UCK2: variants seen among roughly 807,000 people sequenced by gnomAD.
The protein encoded by UCK2 is uridine-cytidine kinase 2, also known as cytidine monophosphokinase 2.
In UCK2, 6 loss-of-function variants were observed where a neutral mutation model predicts 30.8. The ratio of observed to expected loss-of-function variants is 0.19; its 90% CI spans 0.11 to 0.38. The LOEUF (loss-of-function observed/expected upper bound fraction) is 0.38, where lower values mean the gene tolerates loss of function less well. Ranked by LOEUF, UCK2 falls within the 10% of genes least tolerant of loss-of-function variation. UCK2 has a pLI of 1.00. For synonymous variants in UCK2, 125 were observed against 133.6 expected (o/e 0.94, Z 0.45); for missense variants, 210 against 339.8 (o/e 0.62, Z 3.00).
At chr1:165,837,093 G>A (rs774113690) in intron 1 of UCK2, among the ~76,000 whole-genome samples, 1 of 152,124 alleles carries the variant, frequency 6.6e-6, no homozygotes, top group Non-Finnish European at 1.5e-5. Flanking sequence ...AGTTCATGAT[G>A]GTGGTGCCTC....
At chr1:165,851,738 C>G (rs1207322361) in intron 1 of UCK2, among the ~76,000 whole-genome samples, 2 of 151,986 alleles carry the variant, frequency 1.3e-5, no homozygotes, top group Non-Finnish European at 2.9e-5. Flanking sequence ...CCTCTAAGTT[C>G]CCTCCCCTCA....
intron 1 of UCK2, among the ~76,000 whole-genome samples, chr1:165,841,022 A>G (rs1431120827): frequency 1.3e-5 from 2 of 151,970 alleles, no homozygotes; most frequent in African/African-American, 2.4e-5. Context: ...GAGGCAAGGT[A>G]GTGTTTGACC....
chr1:165,879,404 G>A (rs1254307177), intron 1 of UCK2, among the ~76,000 whole-genome samples: 1 of 152,098 alleles, frequency 6.6e-6, no homozygotes, highest in Non-Finnish European at 1.5e-5. Flanking sequence ...TTCCTCCACT[G>A]AATTGCATTT....
intron 1 of UCK2, among the ~76,000 whole-genome samples, chr1:165,850,955 A>G (rs1401548244): frequency 1.8e-5 from 1 of 54,826 alleles, no homozygotes; most frequent in African/African-American, 5.1e-5. Context: ...TTTTTTTTTT[A>G]ATAGAGAATG....
At chr1:165,857,254 G>C (rs1029092820) in intron 1 of UCK2, among the ~76,000 whole-genome samples, 2 of 152,100 alleles carry the variant, frequency 1.3e-5, no homozygotes, top group African/African-American at 2.4e-5. Flanking sequence ...ATCATGCTTT[G>C]TACTAAGCTG....
intron 1 of UCK2, among the ~76,000 whole-genome samples, chr1:165,867,800 A>C (rs970051935): frequency 6.6e-6 from 1 of 152,138 alleles, no homozygotes; most frequent in African/African-American, 2.4e-5. Context: ...CTTGGAATCT[A>C]CTTCTTCCAA....
chr1:165,863,232 T>C (rs936982958), intron 1 of UCK2, among the ~76,000 whole-genome samples: 3 of 152,212 alleles, frequency 2.0e-5, no homozygotes, highest in Admixed American at 6.5e-5. Flanking sequence ...GGCAAAAGTT[T>C]GGAGTAAAGA....
intron 4 of UCK2, among the ~76,000 whole-genome samples, chr1:165,897,224 C>A (rs1647293120): frequency 6.7e-6 from 1 of 149,620 alleles, no homozygotes; most frequent in South Asian, 2.1e-4. Flanking sequence ...TCTCGGTGGG[C>A]AAGGGAGAGC....
chr1:165,872,531 T>G (rs114305143), intron 1 of UCK2, among the ~76,000 whole-genome samples: 1 of 152,166 alleles, frequency 6.6e-6, no homozygotes, highest in African/African-American at 2.4e-5. Context: ...ATGGAAATTT[T>G]AAAAAATGCA....
chr1:165,884,997 C>G (rs1438555282), intron 1 of UCK2: 1 of 181,604 alleles, frequency 5.5e-6, no homozygotes, highest in Non-Finnish European at 1.1e-5. Context: ...CTTTTAGCTT[C>G]CTTTTAATAG....
chr1:165,903,632 C>T (rs1185794036), intron 5 of UCK2, among the ~76,000 whole-genome samples: 1 of 152,204 alleles, frequency 6.6e-6, no homozygotes, highest in Non-Finnish European at 1.5e-5. Flanking sequence ...CCATTTGGAT[C>T]TCTGAAGGGT....
intron 1 of UCK2, among the ~76,000 whole-genome samples, chr1:165,843,848 G>C (rs1178838859): frequency 1.3e-5 from 2 of 152,204 alleles, no homozygotes; most frequent in Admixed American, 1.3e-4. Flanking sequence ...AGTGCCTACT[G>C]CAACTCTCTT....
chr1:165,863,681 G>A (rs1025527218), intron 1 of UCK2, among the ~76,000 whole-genome samples: 5 of 152,202 alleles, frequency 3.3e-5, no homozygotes, highest in African/African-American at 1.2e-4. Context: ...TGCTAAAAAA[G>A]CATGCTTGAA....
At chr1:165,881,321 T>G (rs182846901) in intron 1 of UCK2, among the ~76,000 whole-genome samples, 21 of 152,308 alleles carry the variant, frequency 1.4e-4, no homozygotes, top group African/African-American at 4.8e-4. Flanking sequence ...TTGTACTATA[T>G]TCTCCCCTGT....
chr1:165,864,956 G>A (rs186142573), intron 1 of UCK2, among the ~76,000 whole-genome samples: 39 of 152,002 alleles, frequency 2.6e-4, no homozygotes, highest in African/African-American at 8.9e-4. Context: ...CAAAGTATTG[G>A]GATTACAGGT....
intron 1 of UCK2, among the ~76,000 whole-genome samples, chr1:165,880,094 C>T (rs1010414026): frequency 3.3e-5 from 5 of 152,224 alleles, no homozygotes; most frequent in Admixed American, 1.3e-4. Context: ...TGTGCTGTTA[C>T]ATCCACATTA....
intron 1 of UCK2, among the ~76,000 whole-genome samples, chr1:165,833,721 G>C (rs892248669): frequency 2.0e-5 from 3 of 152,144 alleles, no homozygotes; most frequent in African/African-American, 7.2e-5. Context: ...TGGGCTCTGT[G>C]ATGGTGCTGT....
intron 1 of UCK2, among the ~76,000 whole-genome samples, chr1:165,859,078 G>A (rs577224416): frequency 4.3e-4 from 65 of 152,290 alleles, no homozygotes; most frequent in African/African-American, 1.5e-3. Flanking sequence ...AGTTCACTGA[G>A]TTGCAACGTT....
chr1:165,846,176 G>T (rs1178140742), intron 1 of UCK2, among the ~76,000 whole-genome samples: 1 of 152,106 alleles, frequency 6.6e-6, no homozygotes, highest in Non-Finnish European at 1.5e-5. Flanking sequence ...TGTGGCACCT[G>T]TGGCCTAGCT....
Sources: allele counts gnomAD v4.1 joint callset (sites outside exome capture counted in the v4.1 genomes callset), GRCh38; gene constraint gnomAD v4.1.1; transcripts MANE v1.5; gene names NCBI Gene and HGNC (gene_info 2026-07-23, HGNC 2026-07-21).